The following LGALS3BP variants were observed in gnomAD, a reference collection of about 807,000 sequenced individuals.
LGALS3BP encodes the protein galectin 3 binding protein, also known as galectin-3-binding protein.
A neutral mutation model predicts 22.9 loss-of-function variants in LGALS3BP; 25 were observed. That is an observed-to-expected ratio of 1.09 (90% CI 0.80 to 1.53). The LOEUF (loss-of-function observed/expected upper bound fraction) is 1.53, where lower values mean the gene tolerates loss of function less well. LGALS3BP is among the 40% of genes most tolerant of loss of function. LGALS3BP has a pLI of 0.00. For synonymous variants in LGALS3BP, 335 were observed against 331.1 expected, an observed-to-expected ratio of 1.01 and a Z score of -0.13; for missense variants, 718 against 752.0, an observed-to-expected ratio of 0.95 and a Z score of 0.53.
intron 1 of LGALS3BP, chr17:78,977,491 A>C: frequency 2.5e-6 from 1 of 394,284 alleles, no homozygotes; most frequent in African/African-American, 2.1e-5. Flanking sequence ...TAAGGGCAGC[A>C]AGAATTGGTG....
chr17:78,976,068 A>T lies in LGALS3BP; in HGVS notation c.141T>A (p.Thr47=), dbSNP rs781431762. 3 of 1,611,988 alleles carry T rather than the reference A, an allele frequency of 1.9e-6. No individual in the cohort carries two copies. Among genetic ancestry groups the T allele is most frequent in the Non-Finnish European group, 2.5e-6 (3 of 1,179,520 alleles). Residue 47 remains threonine (T), a synonymous_variant, in exon 3 of 6, where the codon ACT becomes ACA. Transcript: ENST00000262776. The surrounding 1 kb of genome is among the most constrained non-coding windows in gnomAD (Gnocchi z 4.6). ...TCAGGTCCCACAGGTTGTCACACACAGTGCCCCACTGGCCTCTGTAGAAGA... is the reference window on the plus strand; with the variant it reads ...TCAGGTCCCACAGGTTGTCACACACTGTGCCCCACTGGCCTCTGTAGAAGA... The part of the protein sequence containing the change: ...VEIFYRGQWG[T]VCDNLWDLTD...
rs2070673216 is a variant in LGALS3BP, at chr17:78,971,759, G to C, written c.1575C>G (p.Leu525=). 6.2e-7 allele frequency: 1 copy of C among 1,613,996 alleles called. No individual in the cohort carries two copies. The highest frequency in any genetic ancestry group is 1.1e-5 in the South Asian group (1 of 91,092). Residue 525 remains leucine, a synonymous_variant, in exon 6 of 6, where the codon CTC becomes CTG. Coordinates refer to ENST00000262776, the MANE Select transcript of LGALS3BP (RefSeq NM_005567.4). The surrounding 1 kb of genome is among the most constrained non-coding windows in gnomAD (Gnocchi z 5.6). ...CGTCTGCCACGAAGAGCCCTTCGCA[G>C]AGCATCAGGGCTTTGTTTTCGTAGG... The part of the protein sequence containing the change: ...TIAYENKALM[L]CEGLFVADVT...
At chr17:78,974,560 T>C in intron 4 of LGALS3BP, 128 bp downstream of exon 4, 1 of 1,077,470 alleles carries the variant, frequency 9.3e-7, no homozygotes, top group Non-Finnish European at 1.3e-6. Context: ...CCATGCGGAG[T>C]GGGCAGGCGG....
In LGALS3BP at chr17:78,976,205, C is replaced by T. The variant is rs1379740699; in HGVS notation, c.53-49G>A. On this transcript the variant is annotated intron_variant, in intron 2 of 5. Transcript: ENST00000262776. The surrounding 1 kb of genome is among the most constrained non-coding windows in gnomAD (Gnocchi z 4.6). The stretch of plus-strand genomic sequence containing the variant: ...CGAGGCTGGGGCCTGCAGCACCCAC[C>T]GCCCACACCTCCAGGCCCCATATGC... 11 of 1,469,900 alleles carry T rather than the reference C, an allele frequency of 7.5e-6. No homozygotes were observed. The highest frequency in any genetic ancestry group is 5.6e-5 in the African/African-American group (4 of 71,250). 91.1% of individuals were successfully genotyped at this position (1,469,900 alleles called of 1,614,324 possible). A position where few individuals can be genotyped will look rare whatever the true frequency, so the allele number is the denominator to read the frequency against.
intron 3 of LGALS3BP, 184 bp from the exon 4 acceptor site, chr17:78,975,003 A>G (rs896809722): frequency 1.4e-6 from 1 of 727,812 alleles, no homozygotes; most frequent in Non-Finnish European, 2.2e-6. Context: ...GTCAGGCCAT[A>G]AACTTAGCCT....
Position 78,973,333 on chromosome 17 carries a change from C to G in LGALS3BP, c.377-111G>C. ...GGGATTTGTGGCTGCCTCATTCACT[C>G]TGGAAGGCTCCTGGGAAGACGAGGG... On this transcript the variant is annotated intron_variant, in intron 4 of 5. Transcript: ENST00000262776. This position sits in a 1 kb window ranked among gnomAD's most constrained non-coding sequence, Gnocchi z 5.8. The G allele has an allele frequency of 7.9e-7, 1 of 1,261,684 alleles. No homozygotes were observed. Among genetic ancestry groups the G allele is most frequent in the Non-Finnish European group, 1.1e-6 (1 of 941,624 alleles). 78.2% of individuals were successfully genotyped at this position (1,261,684 alleles called of 1,614,324 possible).
chr17:78,976,208 C>A lies in LGALS3BP; in HGVS notation c.53-52G>T, dbSNP rs185466391. ...GGCTGGGGCCTGCAGCACCCACCGC[C>A]CACACCTCCAGGCCCCATATGCTGT... On this transcript the variant is annotated intron_variant, in intron 2 of 5. Transcript: ENST00000262776. The surrounding 1 kb of genome is among the most constrained non-coding windows in gnomAD (Gnocchi z 4.6). The A allele has an allele frequency of 4.3e-4, 621 of 1,460,794 alleles. 2 individuals are homozygous for A. In the African/African-American group the frequency reaches 4.8e-3, roughly 11 times the overall value. 90.5% of individuals were successfully genotyped at this position (1,460,794 alleles called of 1,614,324 possible).
intron 1 of LGALS3BP, among the ~76,000 whole-genome samples, chr17:78,978,401 A>C (rs2070738138): frequency 6.6e-6 from 1 of 152,344 alleles, no homozygotes; most frequent in Middle Eastern, 3.4e-3. Context: ...TGGAGGCCTT[A>C]CCGTGACCCT....
At chr17:78,974,871 G>A (rs747050623) in intron 3 of LGALS3BP, 52 bp from the exon 4 acceptor site, 21 of 1,598,190 alleles carry the variant, frequency 1.3e-5, no homozygotes, top group Non-Finnish European at 1.8e-5. Context: ...GCACCCAGGA[G>A]TCCCACAGCG....
intron 3 of LGALS3BP, 128 bp from the exon 4 acceptor site, chr17:78,974,947 G>T: frequency 8.5e-7 from 1 of 1,178,322 alleles, no homozygotes; most frequent in East Asian, 2.6e-5. Context: ...CTTCACCAGC[G>T]AACCACGGAG....
rs1304515591 is a variant in LGALS3BP at position 78,971,973 on chromosome 17, C to G, written c.1361G>C (p.Arg454Thr). 4.3e-6 allele frequency: 7 copies of G among 1,614,002 alleles called. No homozygotes were observed. The highest frequency in any genetic ancestry group is 5.9e-6 in the Non-Finnish European group (7 of 1,180,032). Residue 454 changes from arginine (R) to threonine (T), a missense_variant, in exon 6 of 6, where the codon AGA becomes ACA. Physicochemically the swap from Arg to Thr is moderately conservative, Grantham distance 71. Coordinates refer to ENST00000262776, the MANE Select transcript of LGALS3BP (RefSeq NM_005567.4). This position sits in a 1 kb window ranked among gnomAD's most constrained non-coding sequence, Gnocchi z 5.6. ...SDYFQAPSDYRYYPYQSFQTP... is the reference protein window; with the variant it reads ...SDYFQAPSDYTYYPYQSFQTP... ...CTGGAAGGACTGGTAGGGGTAGTAT[C>G]TGTAGTCAGAGGGGGCTTGGAAGTA... is the stretch of plus-strand genomic sequence containing the variant.
At chr17:78,974,851 C>A in intron 3 of LGALS3BP, 32 bp from the exon 4 acceptor site, 1 of 1,606,536 alleles carries the variant, frequency 6.2e-7, no homozygotes, top group Non-Finnish European at 8.5e-7. Flanking sequence ...GGGCTGGGGG[C>A]GTGACGACTG....
intron 1 of LGALS3BP, among the ~76,000 whole-genome samples, chr17:78,977,777 T>A (rs1341427333): frequency 2.0e-5 from 3 of 151,864 alleles, no homozygotes; most frequent in Non-Finnish European, 4.4e-5. Context: ...GTGACAGAGA[T>A]AAGTGGCAGG....
intron 3 of LGALS3BP, among the ~76,000 whole-genome samples, chr17:78,975,435 C>T (rs2070711139): frequency 6.6e-6 from 1 of 152,194 alleles, no homozygotes; most frequent in African/African-American, 2.4e-5. Context: ...AAGCACCCGC[C>T]ACCATCACTG....
At position 78,972,361 on chromosome 17, in the gene LGALS3BP, C is replaced by T. The variant is rs772172848; in HGVS notation, c.973G>A (p.Val325Met). Residue 325 changes from valine to methionine, a missense_variant, in exon 6 of 6, where the codon GTG (valine) becomes ATG (methionine). By Grantham distance (21) the Val-to-Met change is conservative (BLOSUM62 1). Transcript: ENST00000262776. The surrounding 1 kb of genome is among the most constrained non-coding windows in gnomAD (Gnocchi z 5.1). ...VPSELALLKA[V>M]DTWSWGERAS... ...CGCTCCCCCCAGCTCCAGGTGTCCACGGCCTTCAGTAGGGCCAGCTCGCTG... is the reference window on the plus strand; with the variant it reads ...CGCTCCCCCCAGCTCCAGGTGTCCATGGCCTTCAGTAGGGCCAGCTCGCTG... 1.4e-5 allele frequency: 23 copies of T among 1,613,408 alleles called. No homozygotes were observed. The highest frequency in any genetic ancestry group is 1.1e-4 in the East Asian group (5 of 44,894).
rs985563579 is a variant in LGALS3BP, at chr17:78,973,364, AGAGACCG to A, written c.377-149_377-143del. Reference sequence around the variant, plus strand: ...GGCTCCTGGGAAGACGAGGGACAAGAGAGACCGGAAGTGTCGGATTCCTGGACCCTGA... The same window carrying A: ...GGCTCCTGGGAAGACGAGGGACAAGAGAAGTGTCGGATTCCTGGACCCTGA... On this transcript the variant is annotated intron_variant, in intron 4 of 5. Coordinates refer to ENST00000262776, the MANE Select transcript of LGALS3BP (RefSeq NM_005567.4). The surrounding 1 kb of genome is among the most constrained non-coding windows in gnomAD (Gnocchi z 5.8). 124 of 999,680 alleles carry A rather than the reference AGAGACCG, an allele frequency of 1.2e-4. No individual in the cohort carries two copies. Among genetic ancestry groups the A allele is most frequent in the Middle Eastern group, 6.6e-4 (2 of 3,042 alleles). The allele number at this position is 999,680 out of a possible 1,614,324, so 61.9% of individuals were successfully genotyped here. A position where few individuals can be genotyped will look rare whatever the true frequency, so the allele number is the denominator to read the frequency against.
rs1475817609 is a variant in LGALS3BP, at chr17:78,972,700, A to C, written c.634T>G (p.Phe212Val). The change falls in exon 6 of 6, where the codon TTC (phenylalanine) becomes GTC (valine). Residue 212 changes from phenylalanine to valine, a missense_variant. By Grantham distance (50) the Phe-to-Val change is conservative. Coordinates refer to ENST00000262776, the MANE Select transcript of LGALS3BP (RefSeq NM_005567.4). The surrounding 1 kb of genome is among the most constrained non-coding windows in gnomAD (Gnocchi z 5.1). ...VPMVRDLLRY[F>V]YSRRIDITLS... ...GTGATGTCAATCCTTCGGGAGTAGA[A>C]GTACCTGGGGAGAAAGAAGGAGAGC... 1 of 1,515,984 alleles carries C rather than the reference A, an allele frequency of 6.6e-7. No individual in the cohort carries two copies. Among genetic ancestry groups the C allele is most frequent in the Non-Finnish European group, 8.8e-7 (1 of 1,132,354 alleles). The allele number at this position is 1,515,984 out of a possible 1,614,324, so 93.9% of individuals were successfully genotyped here. A position where few individuals can be genotyped will look rare whatever the true frequency, so the allele number is the denominator to read the frequency against.
rs1293371064 is a variant in LGALS3BP at position 78,976,325 on chromosome 17, T to A, written c.53-169A>T. On this transcript the variant is annotated intron_variant, in intron 2 of 5. Coordinates refer to ENST00000262776, the MANE Select transcript of LGALS3BP (RefSeq NM_005567.4). The surrounding 1 kb of genome is among the most constrained non-coding windows in gnomAD (Gnocchi z 4.6). ...ACCTCCATGAGGGAGGAGTGGAAGA[T>A]ACATACAGCCCCCCCTACCCCGCAA... is the stretch of plus-strand genomic sequence containing the variant. 1.3e-5 allele frequency among the ~76,000 whole-genome samples: 2 copies of A among 152,114 alleles called. No homozygotes were observed. The highest frequency in any genetic ancestry group is 2.9e-5 in the Non-Finnish European group (2 of 68,012).
In LGALS3BP at chr17:78,973,490, T is replaced by C. The variant is rs1038202189; in HGVS notation, c.377-268A>G. 2.4e-6 allele frequency: 1 copy of C among 415,068 alleles called. No individual in the cohort carries two copies. The highest frequency in any genetic ancestry group is 3.9e-5 in the Admixed American group (1 of 25,754). The allele number at this position is 415,068 out of a possible 1,614,324, so 25.7% of individuals were successfully genotyped here. A position where few individuals can be genotyped will look rare whatever the true frequency, so the allele number is the denominator to read the frequency against. ...CTTTAGGCCCTCTGCTCTGTGCTGC[T>C]CCCCCGACTCAGGCAGCAGCTCCGC... On this transcript the variant is annotated intron_variant, in intron 4 of 5. Transcript: ENST00000262776. The surrounding 1 kb of genome is among the most constrained non-coding windows in gnomAD (Gnocchi z 5.8).
Sources: gnomAD v4.1 joint callset for allele counts (sites outside exome capture counted in the v4.1 genomes callset) on GRCh38, gnomAD v4.1.1 for gene constraint, Gnocchi (gnomAD v3.1) non-coding constraint, MANE v1.5 for transcripts, NCBI Gene and HGNC (gene_info 2026-07-23, HGNC 2026-07-21) for gene names.